Variants in SCN8A observed in about 807,000 individuals in gnomAD.
SCN8A encodes sodium channel protein type 8 subunit alpha.
In SCN8A, 30 loss-of-function variants were observed where a neutral mutation model predicts 184.1. That is an observed-to-expected ratio of 0.16 (90% confidence interval 0.12 to 0.22). The LOEUF (loss-of-function observed/expected upper bound fraction) is 0.22. Ranked by LOEUF, SCN8A falls within the 10% of genes least tolerant of loss-of-function variation. The pLI is 1.00. For synonymous variants in SCN8A, 852 were observed against 907.0 expected, an observed-to-expected ratio of 0.94 and a Z score of 1.09; for missense variants, 1,057 against 2,498.9, an observed-to-expected ratio of 0.42 and a Z score of 12.30.
chr12:51,809,849 A>G lies in SCN8A; in HGVS notation c.*2420A>G, dbSNP rs1314551547. On this transcript the variant is annotated 3_prime_UTR_variant, in exon 27 of 27. Transcript: ENST00000627620. Reference sequence around the variant, plus strand: ...TTCTTCTTAGAACTTAGATGCTGTCAGCCAATGTACATCCCCAAACCAGAC... The same window carrying G: ...TTCTTCTTAGAACTTAGATGCTGTCGGCCAATGTACATCCCCAAACCAGAC... 1 of 152,216 alleles carries G rather than the reference A, an allele frequency of 6.6e-6. No homozygotes were observed. Among genetic ancestry groups the G allele is most frequent in the African/African-American group, 2.4e-5 (1 of 41,452 alleles). 9.4% of individuals were successfully genotyped at this position (152,216 alleles called of 1,614,324 possible). A position where few individuals can be genotyped will look rare whatever the true frequency, so the allele number is the denominator to read the frequency against.
intron 2 of SCN8A, among the ~76,000 whole-genome samples, chr12:51,667,704 T>C (rs560632130): frequency 6.6e-6 from 1 of 152,328 alleles, no homozygotes; most frequent in South Asian, 2.1e-4. Flanking sequence ...AGGAAATCTG[T>C]AGGTTAAGCT....
intron 2 of SCN8A, among the ~76,000 whole-genome samples, chr12:51,664,221 T>A (rs1382894688): frequency 1.3e-5 from 2 of 151,842 alleles, no homozygotes; most frequent in African/African-American, 2.4e-5. Context: ...ACTTTTTTTT[T>A]TTTTGAGACA....
At chr12:51,728,939 C>G (rs1209621798) in intron 12 of SCN8A, among the ~76,000 whole-genome samples, 1 of 152,094 alleles carries the variant, frequency 6.6e-6, no homozygotes, top group Non-Finnish European at 1.5e-5. Flanking sequence ...AGCCACATTT[C>G]AAGCCTTCCC....
rs147226134 is a variant in SCN8A, at chr12:51,746,159, G to A, written c.2131+124G>A. The A allele has an allele frequency of 5.5e-5, 47 of 853,896 alleles. No individual in the cohort carries two copies. In the East Asian group the frequency reaches 1.1e-3, roughly 20 times the overall value. 52.9% of individuals were successfully genotyped at this position (853,896 alleles called of 1,614,324 possible). A position where few individuals can be genotyped will look rare whatever the true frequency, so the allele number is the denominator to read the frequency against. On this transcript the variant is annotated intron_variant, in intron 13 of 26. Coordinates refer to ENST00000627620, the MANE Select transcript of SCN8A (RefSeq NM_001330260.2). ...TGTCTCTGAGCTTTAGGAATGGAACGTATTCCTATATAGAAACTAGAATCA... is the reference window on the plus strand; with the variant it reads ...TGTCTCTGAGCTTTAGGAATGGAACATATTCCTATATAGAAACTAGAATCA...
At position 51,801,006 on chromosome 12, in the gene SCN8A, TTTTTA is replaced by T. The variant is rs545599930; in HGVS notation, c.4796-5274_4796-5270del. 2.6e-3 allele frequency among the ~76,000 whole-genome samples: 398 copies of T among 152,314 alleles called. 2 individuals are homozygous for T. The highest frequency in any genetic ancestry group is 8.7e-3 in the African/African-American group (360 of 41,564). ...TTGGTTGAGGGGGCATGATTCTCTA[TTTTTA>T]TAATTCAAATTAGCCTTTTGTCCAC... On this transcript the variant is annotated intron_variant, in intron 26 of 26. Transcript: ENST00000627620.
At chr12:51,668,304 A>G (rs4761997) in intron 2 of SCN8A, among the ~76,000 whole-genome samples, 123,571 of 152,184 alleles carry the variant, frequency 0.81, 51,141 homozygotes, top group East Asian at 0.99. Flanking sequence ...TTATAATTTG[A>G]TAGCCTTAGA....
intron 22 of SCN8A, among the ~76,000 whole-genome samples, chr12:51,788,277 C>T (rs550041331): frequency 3.0e-5 from 4 of 131,698 alleles, no homozygotes; most frequent in East Asian, 4.7e-4. Context: ...CAACCCCCAT[C>T]GCTTAACACC....
intron 2 of SCN8A, among the ~76,000 whole-genome samples, chr12:51,675,225 A>G (rs950997810): frequency 3.3e-5 from 5 of 152,242 alleles, no homozygotes; most frequent in African/African-American, 1.2e-4. Context: ...GTGCTGGCTC[A>G]GCATTGAAGC....
At chr12:51,799,859 G>A (rs1259648523) in intron 26 of SCN8A, among the ~76,000 whole-genome samples, 1 of 152,164 alleles carries the variant, frequency 6.6e-6, no homozygotes, top group Admixed American at 6.5e-5. Context: ...ATCTTGACAG[G>A]CCCCTCAGCA....
intron 1 of SCN8A, among the ~76,000 whole-genome samples, chr12:51,626,115 T>G (rs956499492): frequency 6.6e-6 from 1 of 152,186 alleles, no homozygotes; most frequent in Admixed American, 6.5e-5. Flanking sequence ...TATGTTTTCC[T>G]TGGGAAAGGC....
intron 2 of SCN8A, among the ~76,000 whole-genome samples, chr12:51,677,651 A>T (rs1023245448): frequency 2.0e-5 from 3 of 152,166 alleles, no homozygotes; most frequent in African/African-American, 7.2e-5. Flanking sequence ...ATGCTTCTAC[A>T]TTGTGTGCTC....
chr12:51,800,227 A>G (rs548560178), intron 26 of SCN8A, among the ~76,000 whole-genome samples: 2 of 152,380 alleles, frequency 1.3e-5, no homozygotes, highest in African/African-American at 2.4e-5. Flanking sequence ...CCGTAGCTGC[A>G]TATCAGATAC....
At position 51,790,493 on chromosome 12, in the gene SCN8A, C is replaced by T; in HGVS notation, c.4515C>T (p.Pro1505=). ...CAAAGAAGCCACAGAAACCTATTCC[C>T]CGCCCCTTGGTAAGTGCATTGTGCA... The part of the protein sequence containing the change: ...LGSKKPQKPI[P]RPLNKIQGIV... Residue 1505 remains proline (P), a synonymous_variant, in exon 25 of 27, where the codon CCC becomes CCT. Transcript: ENST00000627620. 1.2e-6 allele frequency: 2 copies of T among 1,605,536 alleles called. No homozygotes were observed. The highest frequency in any genetic ancestry group is 1.7e-6 in the Non-Finnish European group (2 of 1,174,774).
intron 12 of SCN8A, among the ~76,000 whole-genome samples, chr12:51,731,100 T>G (rs888470597): frequency 1.3e-5 from 2 of 152,262 alleles, no homozygotes; most frequent in African/African-American, 2.4e-5. Flanking sequence ...CACATTTTCT[T>G]TCTCCATTCA....
chr12:51,617,481 A>C (rs1414221382), intron 1 of SCN8A, among the ~76,000 whole-genome samples: 1 of 152,056 alleles, frequency 6.6e-6, no homozygotes, highest in Non-Finnish European at 1.5e-5. Flanking sequence ...CTATTTCTTC[A>C]TTAAGACTTT....
intron 2 of SCN8A, among the ~76,000 whole-genome samples, chr12:51,675,993 T>TA (rs901333605): frequency 6.6e-6 from 1 of 152,226 alleles, no homozygotes; most frequent in Non-Finnish European, 1.5e-5. Flanking sequence ...GACTCATAGG[T>TA]AAAATTATCG....
chr12:51,610,871 G>A (rs1939706575), intron 1 of SCN8A, among the ~76,000 whole-genome samples: 1 of 152,286 alleles, frequency 6.6e-6, no homozygotes, highest in Non-Finnish European at 1.5e-5. Context: ...TAGCTTCATA[G>A]CAAGACTTAA....
chr12:51,761,434 T>G (rs1942760247), intron 14 of SCN8A, among the ~76,000 whole-genome samples: 2 of 150,388 alleles, frequency 1.3e-5, no homozygotes, highest in South Asian at 4.2e-4. Flanking sequence ...CCCAATAGAA[T>G]TTTATTCACT....
chr12:51,646,124 A>C (rs1940584798), intron 1 of SCN8A, among the ~76,000 whole-genome samples: 1 of 152,016 alleles, frequency 6.6e-6, no homozygotes, highest in Non-Finnish European at 1.5e-5. Flanking sequence ...GGATGCCACT[A>C]ATGGATTTTA....
Sources: allele counts gnomAD v4.1 joint callset (sites outside exome capture counted in the v4.1 genomes callset), GRCh38; gene constraint gnomAD v4.1.1; transcripts MANE v1.5; gene names NCBI Gene and HGNC (gene_info 2026-07-23, HGNC 2026-07-21).